MEI4: variants seen among roughly 807,000 people sequenced by gnomAD.
The protein encoded by MEI4 is meiosis-specific protein MEI4.
MEI4 carries 27 observed loss-of-function variants against 31.4 expected under a neutral mutation model. The ratio of observed to expected loss-of-function variants is 0.86; its 90% confidence interval spans 0.63 to 1.19. MEI4 has a LOEUF of 1.19. Among genes scored for constraint, MEI4 ranks in the 50% most tolerant of loss-of-function variants. The probability of loss-of-function intolerance (pLI) is 0.00; values close to 1 mark genes in which losing one functional copy is unlikely to be tolerated. For synonymous variants in MEI4, 122 were observed against 145.4 expected, an observed-to-expected ratio of 0.84 and a Z score of 1.16; for missense variants, 329 against 398.9, an observed-to-expected ratio of 0.82 and a Z score of 1.49.
intron 4 of MEI4, among the ~76,000 whole-genome samples, chr6:77,906,600 T>C (rs1174475922): frequency 6.6e-6 from 1 of 152,212 alleles, no homozygotes; most frequent in African/African-American, 2.4e-5. Flanking sequence ...TAAATCCATT[T>C]TGGCATTGGG....
chr6:77,921,175 A>G (rs890518657), intron 4 of MEI4, among the ~76,000 whole-genome samples: 1 of 151,794 alleles, frequency 6.6e-6, no homozygotes, highest in Non-Finnish European at 1.5e-5. Context: ...ACCTTCATTT[A>G]TTATCTTACC....
At chr6:77,754,385 A>G (rs187604752) in intron 2 of MEI4, among the ~76,000 whole-genome samples, 10 of 152,272 alleles carry the variant, frequency 6.6e-5, no homozygotes, top group Non-Finnish European at 1.3e-4. Context: ...CCAGTTCCCA[A>G]TAAGTTCCTC....
rs1402982778 is a variant in MEI4, at chr6:77,924,602, C to CCACAGGAAT, written c.*1257_*1265dup. The CCACAGGAAT allele has an allele frequency of 6.6e-6, 1 of 151,822 alleles. No homozygotes were observed. Among genetic ancestry groups the CCACAGGAAT allele is most frequent in the Non-Finnish European group, 1.5e-5 (1 of 67,884 alleles). 9.4% of individuals were successfully genotyped at this position (151,822 alleles called of 1,614,324 possible). The stretch of plus-strand genomic sequence containing the variant: ...AAAAGCTCTGCTGAGGTTGCACATA[C>CCACAGGAAT]CACAGGAATAGGCTTCTTGCTAAAA... On this transcript the variant is annotated 3_prime_UTR_variant, in exon 5 of 5. Transcript: ENST00000684080.
intron 3 of MEI4, among the ~76,000 whole-genome samples, chr6:77,766,564 C>T (rs1279394289): frequency 1.3e-5 from 2 of 152,168 alleles, no homozygotes; most frequent in Non-Finnish European, 2.9e-5. Flanking sequence ...CAGGTGCCTG[C>T]CACCACACCC....
chr6:77,724,907 T>C (rs1228541962), intron 2 of MEI4, among the ~76,000 whole-genome samples: 1 of 146,130 alleles, frequency 6.8e-6, no homozygotes, highest in African/African-American at 2.5e-5. Context: ...ATTTTTTCCT[T>C]GTCTTTTCAT....
intron 2 of MEI4, among the ~76,000 whole-genome samples, chr6:77,712,083 C>G (rs759042106): frequency 1.3e-5 from 2 of 152,090 alleles, no homozygotes; most frequent in Non-Finnish European, 2.9e-5. Context: ...ATTGGCAGTA[C>G]GCTGAACATT....
chr6:77,742,170 G>T (rs917938103), intron 2 of MEI4, among the ~76,000 whole-genome samples: 4 of 151,964 alleles, frequency 2.6e-5, no homozygotes, highest in Admixed American at 1.3e-4. Context: ...GGTATTTCTA[G>T]TTCTAGATCC....
intron 4 of MEI4, among the ~76,000 whole-genome samples, chr6:77,907,858 G>A (rs1011740681): frequency 6.6e-6 from 1 of 151,942 alleles, no homozygotes; most frequent in East Asian, 1.9e-4. Context: ...GTATGAGATG[G>A]TATCTCATTG....
rs557764067 is a variant in MEI4 at position 77,667,602 on chromosome 6, T to C, written c.-15+14510T>C. On this transcript the variant is annotated intron_variant, in intron 1 of 4. Coordinates refer to ENST00000684080, the MANE Select transcript of MEI4 (RefSeq NM_001322247.2). ...TAGTACTTGGCTCTGATGGGCTCAC[T>C]CGCTCTCAGGGGAGAAAGACCCCCA... Among the ~76,000 whole-genome samples the C allele has an allele frequency of 2.6e-5, 4 of 152,318 alleles. No homozygotes were observed. The East Asian group carries it at 7.7e-4, about 29-fold the overall frequency.
At chr6:77,793,200 A>G (rs1768985124) in intron 3 of MEI4, among the ~76,000 whole-genome samples, 1 of 152,184 alleles carries the variant, frequency 6.6e-6, no homozygotes, top group Non-Finnish European at 1.5e-5. Context: ...GGTTATCCGT[A>G]GATTTCTCAA....
intron 4 of MEI4, among the ~76,000 whole-genome samples, chr6:77,917,335 G>A (rs899662457): frequency 1.3e-5 from 2 of 150,022 alleles, no homozygotes; most frequent in East Asian, 2.0e-4. Flanking sequence ...AGATCCCTGA[G>A]GAATCGCCAC....
At chr6:77,733,993 T>C (rs900186504) in intron 2 of MEI4, among the ~76,000 whole-genome samples, 1 of 152,040 alleles carries the variant, frequency 6.6e-6, no homozygotes, top group African/African-American at 2.4e-5. Context: ...GTCTGAGAGA[T>C]AGTTTGTTAT....
rs556365398 is a variant in MEI4, at chr6:77,733,722, G to A, written c.233-27408G>A. Among the ~76,000 whole-genome samples, 46 of 151,836 alleles carry A rather than the reference G, an allele frequency of 3.0e-4. 1 individual carries two copies. Among genetic ancestry groups the A allele is most frequent in the African/African-American group, 1.1e-3 (46 of 41,232 alleles). On this transcript the variant is annotated intron_variant, in intron 2 of 4. Transcript: ENST00000684080. The stretch of plus-strand genomic sequence containing the variant: ...CTAGTTCTTTTAATTGTGATGTTAG[G>A]GTGTCAATTCTGGATCTTTTCTGCT...
chr6:77,889,721 G>A (rs953613948), intron 4 of MEI4, among the ~76,000 whole-genome samples: 5 of 152,206 alleles, frequency 3.3e-5, no homozygotes, highest in Non-Finnish European at 7.3e-5. Flanking sequence ...TCCCATCACA[G>A]GCCTGGAGTC....
At chr6:77,659,686 A>G (rs527375345) in intron 1 of MEI4, among the ~76,000 whole-genome samples, 1 of 152,264 alleles carries the variant, frequency 6.6e-6, no homozygotes, top group East Asian at 1.9e-4. Context: ...GTGTCTTCCT[A>G]AGCAATAATT....
At chr6:77,756,624 C>CCTCTCTCTCTCTCTCTCTCCCT (rs149549601) in intron 2 of MEI4, among the ~76,000 whole-genome samples, 9 of 145,890 alleles carry the variant, frequency 6.2e-5, no homozygotes, top group Non-Finnish European at 1.4e-4. Flanking sequence ...TCTCTCTCTC[C>CCTCTCTCTCTCTCTCTCTCCCT]CTCTCTCTCT....
intron 4 of MEI4, among the ~76,000 whole-genome samples, chr6:77,872,395 T>G (rs984718847): frequency 1.3e-5 from 2 of 151,940 alleles, no homozygotes; most frequent in Non-Finnish European, 2.9e-5. Context: ...TAGTGTGCCA[T>G]GATCATGCCT....
intron 2 of MEI4, among the ~76,000 whole-genome samples, chr6:77,698,891 A>G (rs1291851101): frequency 3.9e-5 from 6 of 152,146 alleles, no homozygotes; most frequent in Admixed American, 1.3e-4. Flanking sequence ...TCTCCCGGTC[A>G]CTTTCAGGTA....
intron 2 of MEI4, among the ~76,000 whole-genome samples, chr6:77,759,908 C>CTG (rs1768005230): frequency 2.6e-5 from 4 of 152,232 alleles, no homozygotes; most frequent in Non-Finnish European, 5.9e-5. Context: ...TGCCTCATTC[C>CTG]TGTTCCCACT....
Sources: allele counts gnomAD v4.1 joint callset (sites outside exome capture counted in the v4.1 genomes callset), GRCh38; gene constraint gnomAD v4.1.1; transcripts MANE v1.5; gene names NCBI Gene and HGNC (gene_info 2026-07-23, HGNC 2026-07-21).